CRIM1: variants seen among roughly 807,000 people sequenced by gnomAD.
CRIM1 encodes the protein cysteine rich transmembrane BMP regulator 1, also known as cysteine-rich motor neuron 1 protein.
A neutral mutation model predicts 116.4 loss-of-function variants in CRIM1; 32 were observed. The observed-to-expected ratio is 0.27, with a 90% CI of 0.21 to 0.37. The LOEUF is 0.37. CRIM1 is among the 10% of genes least tolerant of loss of function. CRIM1 has a pLI of 1.00. For synonymous variants in CRIM1, 590 were observed against 509.2 expected (o/e 1.16, Z -2.13); for missense variants, 1,331 against 1,354.8 (o/e 0.98, Z 0.28).
At chr2:36,472,144 G>T (rs1678577212) in intron 5 of CRIM1, among the ~76,000 whole-genome samples, 1 of 152,188 alleles carries the variant, frequency 6.6e-6, no homozygotes, top group African/African-American at 2.4e-5. Context: ...AGGCACTTCT[G>T]TGCTTCATAT....
At chr2:36,452,290 T>G in intron 4 of CRIM1, among the ~76,000 whole-genome samples, 1 of 152,180 alleles carries the variant, frequency 6.6e-6, no homozygotes, top group East Asian at 1.9e-4. Flanking sequence ...TTTAAAACAT[T>G]CCTGACTCCT....
chr2:36,507,044 G>C (rs866535617), intron 8 of CRIM1, among the ~76,000 whole-genome samples: 6 of 152,000 alleles, frequency 3.9e-5, no homozygotes, highest in Middle Eastern at 3.2e-3. Context: ...TTTTCTGGCA[G>C]AGGCAAGGTC....
chr2:36,375,094 T>A (rs1670225265), intron 1 of CRIM1, among the ~76,000 whole-genome samples: 1 of 152,178 alleles, frequency 6.6e-6, no homozygotes, highest in East Asian at 1.9e-4. Context: ...GATATTAACT[T>A]CAAAATGAAT....
chr2:36,539,203 T>C (rs1390323289), intron 14 of CRIM1, among the ~76,000 whole-genome samples: 1 of 152,090 alleles, frequency 6.6e-6, no homozygotes, highest in East Asian at 1.9e-4. Context: ...AGGGAGCACC[T>C]TACCAACAAG....
intron 2 of CRIM1, among the ~76,000 whole-genome samples, chr2:36,410,228 GT>G (rs1673103384): frequency 6.6e-6 from 1 of 151,796 alleles, no homozygotes; most frequent in Non-Finnish European, 1.5e-5. Flanking sequence ...CAACTTCCTA[GT>G]TTTCCTACAC....
chr2:36,441,573 C>G, intron 3 of CRIM1, 73 bp downstream of exon 3: 1 of 1,551,076 alleles, frequency 6.4e-7, no homozygotes, highest in Admixed American at 1.7e-5. Context: ...TCAGCCACCC[C>G]TGGCCTCTCC....
At chr2:36,428,492 T>C (rs1250372542) in intron 2 of CRIM1, among the ~76,000 whole-genome samples, 1 of 152,238 alleles carries the variant, frequency 6.6e-6, no homozygotes, top group African/African-American at 2.4e-5. Context: ...TATAGAATAC[T>C]GTAGAAGAAG....
At chr2:36,389,015 A>G (rs1489700659) in intron 1 of CRIM1, among the ~76,000 whole-genome samples, 1 of 152,214 alleles carries the variant, frequency 6.6e-6, no homozygotes, top group Non-Finnish European at 1.5e-5. Flanking sequence ...TCTTCAACAA[A>G]TATTTGTGTC....
At chr2:36,546,322 T>C (rs1271493658) in intron 15 of CRIM1, among the ~76,000 whole-genome samples, 1 of 152,126 alleles carries the variant, frequency 6.6e-6, no homozygotes, top group African/African-American at 2.4e-5. Context: ...TAAAAGAACA[T>C]AAAGGTCATC....
intron 13 of CRIM1, among the ~76,000 whole-genome samples, chr2:36,535,156 G>A (rs1483379617): frequency 1.5e-5 from 2 of 132,988 alleles, no homozygotes; most frequent in African/African-American, 5.6e-5. Flanking sequence ...GGAGAGAGGG[G>A]GAAGGAAGGA....
In CRIM1 at chr2:36,396,311, C is replaced by G. The variant is rs957886945; in HGVS notation, c.332-303C>G. Among the ~76,000 whole-genome samples the G allele has an allele frequency of 2.0e-5, 3 of 152,300 alleles. 1 individual carries two copies. Among genetic ancestry groups the G allele is most frequent in the Admixed American group, 2.0e-4 (3 of 15,304 alleles). ...CCAGGAATCTTTATTTGATATTAAACATTTTTAAAGGCATCTCAGTTGTTG... is the reference window on the plus strand; with the variant it reads ...CCAGGAATCTTTATTTGATATTAAAGATTTTTAAAGGCATCTCAGTTGTTG... On this transcript the variant is annotated intron_variant, in intron 1 of 16. Coordinates refer to ENST00000280527, the MANE Select transcript of CRIM1 (RefSeq NM_016441.3).
At chr2:36,492,180 G>C (rs1383512413) in intron 7 of CRIM1, among the ~76,000 whole-genome samples, 1 of 152,108 alleles carries the variant, frequency 6.6e-6, no homozygotes, top group Non-Finnish European at 1.5e-5. Context: ...ATACATGGTT[G>C]CTTCCTTTTC....
At chr2:36,459,629 T>C (rs1165418351) in intron 4 of CRIM1, among the ~76,000 whole-genome samples, 2 of 152,198 alleles carry the variant, frequency 1.3e-5, no homozygotes, top group Non-Finnish European at 2.9e-5. Flanking sequence ...TAATCCTGTT[T>C]GTTTTTTGAC....
chr2:36,436,783 A>G (rs937910396), intron 2 of CRIM1, among the ~76,000 whole-genome samples: 1 of 152,364 alleles, frequency 6.6e-6, no homozygotes, highest in African/African-American at 2.4e-5. Context: ...TGTACAGCCT[A>G]CATTCCATTC....
rs1490258733 is a variant in CRIM1 at position 36,356,027 on chromosome 2, T to TC, written c.-261dup. The TC allele has an allele frequency of 1.3e-5, 2 of 151,266 alleles. No homozygotes were observed. Among genetic ancestry groups the TC allele is most frequent in the Non-Finnish European group, 2.9e-5 (2 of 68,604 alleles). 9.4% of individuals were successfully genotyped at this position (151,266 alleles called of 1,614,324 possible). On this transcript the variant is annotated 5_prime_UTR_variant, in exon 1 of 17. Transcript: ENST00000280527. This position sits in a 1 kb window ranked among gnomAD's most constrained non-coding sequence, Gnocchi z 4.3. ...GCCGGGAGGAAACTTTTTTCTTTTTTCCCCCTCCCTCCCGGGAGGAGGAGG... is the reference window on the plus strand; with the variant it reads ...GCCGGGAGGAAACTTTTTTCTTTTTTCCCCCCTCCCTCCCGGGAGGAGGAGG...
intron 10 of CRIM1, chr2:36,513,188 A>G (rs60793434): frequency 4.2e-6 from 1 of 237,044 alleles, no homozygotes; most frequent in African/African-American, 2.3e-5. Flanking sequence ...GGGGCCCAGG[A>G]TGTCCCCATT....
chr2:36,441,179 C>A lies in CRIM1; in HGVS notation c.506-79C>A. On this transcript the variant is annotated intron_variant, in intron 2 of 16. Coordinates refer to ENST00000280527, the MANE Select transcript of CRIM1 (RefSeq NM_016441.3). ...GTCCTCTTTGGCTACTTAAATAGAT[C>A]ATCAGGACTGTTTGTTCTTCTGTTG... 29 of 1,575,848 alleles carry A rather than the reference C, an allele frequency of 1.8e-5. No individual in the cohort carries two copies. The South Asian group carries it at 3.3e-4, about 18-fold the overall frequency.
rs1304476406 is a variant in CRIM1, at chr2:36,356,085, A to G, written c.-208A>G. The G allele has an allele frequency of 6.5e-6, 1 of 154,592 alleles. No homozygotes were observed. Among genetic ancestry groups the G allele is most frequent in the Non-Finnish European group, 1.4e-5 (1 of 70,820 alleles). 9.6% of individuals were successfully genotyped at this position (154,592 alleles called of 1,614,324 possible). ...GGAGGGGAAGCTGCCGCCGGCGCCA[A>G]GGCTCGTGGGCTCGGGGTCGGCGCG... On this transcript the variant is annotated 5_prime_UTR_variant, in exon 1 of 17. Coordinates refer to ENST00000280527, the MANE Select transcript of CRIM1 (RefSeq NM_016441.3). This position sits in a 1 kb window ranked among gnomAD's most constrained non-coding sequence, Gnocchi z 4.3.
Position 36,450,484 on chromosome 2 carries a change from C to G in CRIM1, c.869+7749C>G, listed in dbSNP as rs1307711281. 2.0e-5 allele frequency among the ~76,000 whole-genome samples: 3 copies of G among 152,196 alleles called. No homozygotes were observed. In the South Asian group the frequency reaches 6.2e-4, roughly 32 times the overall value. Reference sequence around the variant, plus strand: ...CAAGTTTTAGGTTCTCTTTTCCTAACTTTATGATTGGACCATTTCTTTCTG... The same window carrying G: ...CAAGTTTTAGGTTCTCTTTTCCTAAGTTTATGATTGGACCATTTCTTTCTG... On this transcript the variant is annotated intron_variant, in intron 4 of 16. Coordinates refer to ENST00000280527, the MANE Select transcript of CRIM1 (RefSeq NM_016441.3).
Sources: allele counts gnomAD v4.1 joint callset (sites outside exome capture counted in the v4.1 genomes callset), GRCh38; gene constraint gnomAD v4.1.1; non-coding constraint Gnocchi (gnomAD v3.1); transcripts MANE v1.5; gene names NCBI Gene and HGNC (gene_info 2026-07-23, HGNC 2026-07-21).